The following MARCHF4 variants were observed in gnomAD, a reference collection of about 807,000 sequenced individuals.
MARCHF4 encodes membrane associated ring-CH-type finger 4, also known as E3 ubiquitin-protein ligase MARCHF4.
In MARCHF4, 14 loss-of-function variants were observed where a neutral mutation model predicts 43.9. The ratio of observed to expected loss-of-function variants is 0.32; its 90% CI spans 0.21 to 0.50. The LOEUF (loss-of-function observed/expected upper bound fraction) is 0.50, where lower values mean the gene tolerates loss of function less well. Among genes scored for constraint, MARCHF4 ranks in the 20% least tolerant of loss-of-function variants. The pLI, the probability that MARCHF4 is intolerant of heterozygous loss-of-function variation, is 0.98. For missense variants in MARCHF4, 468 were observed against 536.7 expected, an observed-to-expected ratio of 0.87 and a Z score of 1.27; for synonymous variants, 226 against 213.3, an observed-to-expected ratio of 1.06 and a Z score of -0.52.
At chr2:216,345,340 C>A (rs944973056) in intron 1 of MARCHF4, among the ~76,000 whole-genome samples, 78 of 149,474 alleles carry the variant, frequency 5.2e-4, no homozygotes, top group African/African-American at 1.9e-3. Flanking sequence ...AACTATTATA[C>A]CCTGATTTTT....
At chr2:216,287,443 A>G (rs1691233452) in intron 1 of MARCHF4, among the ~76,000 whole-genome samples, 1 of 151,960 alleles carries the variant, frequency 6.6e-6, no homozygotes, top group Non-Finnish European at 1.5e-5. Flanking sequence ...ACACTTCCTC[A>G]ATGATCTGCT....
chr2:216,314,673 A>G (rs1240448048), intron 1 of MARCHF4, among the ~76,000 whole-genome samples: 1 of 152,186 alleles, frequency 6.6e-6, no homozygotes, highest in Non-Finnish European at 1.5e-5. Flanking sequence ...TAGGATGCTA[A>G]AAGAAAGAAG....
intron 1 of MARCHF4, among the ~76,000 whole-genome samples, chr2:216,320,605 CTTTTTCTTTCTT>C (rs1242151163): frequency 1.4e-5 from 2 of 138,434 alleles, no homozygotes; most frequent in South Asian, 5.0e-4. Flanking sequence ...GCTATAGCCT[CTTTTTCTTTCTT>C]TCTTTCTTTC....
chr2:216,287,420 CA>C (rs1206821822), intron 1 of MARCHF4, among the ~76,000 whole-genome samples: 3 of 151,972 alleles, frequency 2.0e-5, no homozygotes, highest in Admixed American at 6.6e-5. Flanking sequence ...TCATTAAATG[CA>C]AAGGGCACCA....
chr2:216,326,997 T>G (rs1254460970), intron 1 of MARCHF4, among the ~76,000 whole-genome samples: 1 of 151,974 alleles, frequency 6.6e-6, no homozygotes, highest in Non-Finnish European at 1.5e-5. Context: ...TAACAAAAAA[T>G]AATAGTATCT....
At chr2:216,350,326 A>T (rs1692383525) in intron 1 of MARCHF4, among the ~76,000 whole-genome samples, 1 of 97,962 alleles carries the variant, frequency 1.0e-5, no homozygotes, top group Non-Finnish European at 2.0e-5. Flanking sequence ...TCACTGTGCC[A>T]CACCCCCTCA....
chr2:216,354,971 CTTTCTTTCTTTCTTTTT>C (rs1559106720), intron 1 of MARCHF4, among the ~76,000 whole-genome samples: 32 of 111,292 alleles, frequency 2.9e-4, no homozygotes, highest in Non-Finnish European at 4.1e-4. Flanking sequence ...TTCTTTCTTT[CTTTCTTTCTTTCTTTTT>C]TGAGACAGAG....
At chr2:216,315,227 CTATTGT>C (rs1691755912) in intron 1 of MARCHF4, among the ~76,000 whole-genome samples, 1 of 152,134 alleles carries the variant, frequency 6.6e-6, no homozygotes, top group Admixed American at 6.6e-5. Flanking sequence ...TAATGACATG[CTATTGT>C]TTACTCCTGA....
chr2:216,322,212 C>T (rs755721087), intron 1 of MARCHF4, among the ~76,000 whole-genome samples: 3 of 152,178 alleles, frequency 2.0e-5, no homozygotes, highest in Non-Finnish European at 4.4e-5. Flanking sequence ...ATGTGTTTAG[C>T]AGGACCAACT....
At chr2:216,326,104 A>C (rs1437731132) in intron 1 of MARCHF4, among the ~76,000 whole-genome samples, 6 of 146,764 alleles carry the variant, frequency 4.1e-5, no homozygotes, top group Non-Finnish European at 7.6e-5. Context: ...GAACTCAAAC[A>C]AATTTACAAG....
chr2:216,293,730 C>T (rs1691349370), intron 1 of MARCHF4, among the ~76,000 whole-genome samples: 1 of 100,734 alleles, frequency 9.9e-6, no homozygotes. Context: ...TACCTATTTC[C>T]TCTAACTGCC....
chr2:216,260,736 G>A (rs1690729091), intron 3 of MARCHF4, among the ~76,000 whole-genome samples: 1 of 152,168 alleles, frequency 6.6e-6, no homozygotes. Context: ...ATAATGGGAA[G>A]CTATTGACGG....
At chr2:216,285,684 G>A (rs745817364) in intron 1 of MARCHF4, among the ~76,000 whole-genome samples, 6 of 152,166 alleles carry the variant, frequency 3.9e-5, no homozygotes, top group East Asian at 1.9e-4. Context: ...CACCCATCAC[G>A]GCCTAAGGGC....
At position 216,370,992 on chromosome 2, in the gene MARCHF4, C is replaced by A. The variant is rs1256675506; in HGVS notation, c.-732G>T. The A allele has an allele frequency of 6.6e-6, 1 of 151,982 alleles. No homozygotes were observed. The highest frequency in any genetic ancestry group is 1.9e-4 in the East Asian group (1 of 5,178). The allele number at this position is 151,982 out of a possible 1,614,324, so 9.4% of individuals were successfully genotyped here. ...TGGGGGAGGGGTGTTGCAGGTGAAACTGGGCTAGGGGCTTGTGCTTTGCCT... is the reference window on the plus strand; with the variant it reads ...TGGGGGAGGGGTGTTGCAGGTGAAAATGGGCTAGGGGCTTGTGCTTTGCCT... On this transcript the variant is annotated 5_prime_UTR_variant, in exon 1 of 4. Coordinates refer to ENST00000273067, the MANE Select transcript of MARCHF4 (RefSeq NM_020814.3).
intron 1 of MARCHF4, among the ~76,000 whole-genome samples, chr2:216,334,462 A>G (rs966937831): frequency 2.0e-5 from 3 of 151,974 alleles, no homozygotes; most frequent in Non-Finnish European, 4.4e-5. Flanking sequence ...GTGCAGTGAT[A>G]TAATCACAGC....
At chr2:216,266,717 C>T (rs1690851230) in intron 3 of MARCHF4, among the ~76,000 whole-genome samples, 2 of 152,158 alleles carry the variant, frequency 1.3e-5, no homozygotes. Flanking sequence ...CTCCAGTGCC[C>T]AGCCCTGTTA....
intron 1 of MARCHF4, among the ~76,000 whole-genome samples, chr2:216,362,853 C>A (rs551122438): frequency 6.6e-6 from 1 of 152,172 alleles, no homozygotes; most frequent in Non-Finnish European, 1.5e-5. Flanking sequence ...CTGGCTTATA[C>A]CTGATGCATC....
At chr2:216,349,218 C>G (rs898908042) in intron 1 of MARCHF4, among the ~76,000 whole-genome samples, 17 of 152,206 alleles carry the variant, frequency 1.1e-4, no homozygotes, top group African/African-American at 4.1e-4. Context: ...ATGTACTAAC[C>G]ACAAGATGGT....
At chr2:216,304,802 A>C (rs919332540) in intron 1 of MARCHF4, among the ~76,000 whole-genome samples, 2 of 152,078 alleles carry the variant, frequency 1.3e-5, no homozygotes, top group Non-Finnish European at 2.9e-5. Context: ...GAAAATACAA[A>C]AATGATCCAG....
Sources: gnomAD v4.1 joint callset for allele counts (sites outside exome capture counted in the v4.1 genomes callset) on GRCh38, gnomAD v4.1.1 for gene constraint, MANE v1.5 for transcripts, NCBI Gene and HGNC (gene_info 2026-07-23, HGNC 2026-07-21) for gene names.